ZNF148: variants seen among roughly 807,000 people sequenced by gnomAD.
The protein encoded by ZNF148 is Beta-Enolase Repressor Factor-1.
Under a neutral mutation model 67.7 loss-of-function variants are expected in ZNF148, and 7 were observed. The observed-to-expected ratio is 0.10, with a 90% CI of 0.06 to 0.19. The LOEUF is 0.19. ZNF148 is among the 10% of genes least tolerant of loss of function. The pLI, the probability that ZNF148 is intolerant of heterozygous loss-of-function variation, is 1.00. For missense variants in ZNF148, 583 were observed against 947.1 expected (o/e 0.62, Z 5.05); for synonymous variants, 333 against 330.7 (o/e 1.01, Z -0.08).
At chr3:125,282,169 C>G (rs1293720230) in intron 5 of ZNF148, among the ~76,000 whole-genome samples, 4 of 152,084 alleles carry the variant, frequency 2.6e-5, no homozygotes, top group African/African-American at 9.7e-5. Context: ...AATAAAATCC[C>G]TTAGCAGAAC....
chr3:125,319,326 T>C (rs939249674), intron 3 of ZNF148, among the ~76,000 whole-genome samples: 22 of 152,220 alleles, frequency 1.4e-4, no homozygotes, highest in Non-Finnish European at 2.1e-4. Flanking sequence ...ATTAAATACA[T>C]AGGCTTTTAA....
intron 1 of ZNF148, among the ~76,000 whole-genome samples, chr3:125,368,756 C>A (rs924962642): frequency 6.6e-6 from 1 of 152,032 alleles, no homozygotes; most frequent in Non-Finnish European, 1.5e-5. Context: ...ACCAGCCTGG[C>A]CAACACGGCG....
intron 2 of ZNF148, among the ~76,000 whole-genome samples, chr3:125,325,221 G>A (rs1940966809): frequency 6.6e-6 from 1 of 151,960 alleles, no homozygotes; most frequent in Admixed American, 6.6e-5. Flanking sequence ...TACAGTAACA[G>A]AAATAAAAAA....
chr3:125,341,064 AAAG>A, intron 1 of ZNF148, among the ~76,000 whole-genome samples: 1 of 151,722 alleles, frequency 6.6e-6, no homozygotes, highest in Admixed American at 6.5e-5. Context: ...ATAAATGAGA[AAAG>A]AAAATCAACC....
intron 1 of ZNF148, among the ~76,000 whole-genome samples, chr3:125,364,803 CAATA>C (rs1414930262): frequency 1.3e-5 from 2 of 152,168 alleles, no homozygotes; most frequent in African/African-American, 4.8e-5. Context: ...GTATTTATCT[CAATA>C]AATACATTTT....
intron 5 of ZNF148, among the ~76,000 whole-genome samples, chr3:125,281,807 C>T (rs1938403576): frequency 6.6e-6 from 1 of 152,162 alleles, no homozygotes. Flanking sequence ...ACACCAAATT[C>T]TTGGACATTT....
At chr3:125,264,766 C>T (rs1261686273) in intron 7 of ZNF148, among the ~76,000 whole-genome samples, 2 of 152,102 alleles carry the variant, frequency 1.3e-5, no homozygotes, top group East Asian at 1.9e-4. Flanking sequence ...TTTTCAGAAC[C>T]TCATCACTTA....
intron 5 of ZNF148, among the ~76,000 whole-genome samples, chr3:125,286,491 A>AT (rs1333540250): frequency 6.6e-6 from 1 of 152,224 alleles, no homozygotes; most frequent in Non-Finnish European, 1.5e-5. Flanking sequence ...AAAGAGTAAC[A>AT]TTATCAAGAA....
chr3:125,256,225 G>C (rs112167765), intron 7 of ZNF148, among the ~76,000 whole-genome samples: 3 of 151,690 alleles, frequency 2.0e-5, no homozygotes, highest in Non-Finnish European at 4.4e-5. Context: ...AAAATTAGCC[G>C]GGCACGGTGG....
intron 7 of ZNF148, among the ~76,000 whole-genome samples, chr3:125,262,161 T>C (rs1337657159): frequency 1.3e-5 from 2 of 152,232 alleles, no homozygotes; most frequent in African/African-American, 4.8e-5. Flanking sequence ...CAAAGACAGA[T>C]ACTGATATCA....
intron 7 of ZNF148, among the ~76,000 whole-genome samples, chr3:125,254,394 T>C (rs548301176): frequency 3.3e-5 from 5 of 152,308 alleles, no homozygotes; most frequent in East Asian, 3.9e-4. Context: ...CAGGTCATGG[T>C]TGTGTTATTC....
intron 7 of ZNF148, among the ~76,000 whole-genome samples, chr3:125,251,253 C>G (rs1219396683): frequency 6.6e-6 from 1 of 152,196 alleles, no homozygotes; most frequent in Non-Finnish European, 1.5e-5. Flanking sequence ...TAACCACTAT[C>G]CAGGCTTCTA....
intron 4 of ZNF148, among the ~76,000 whole-genome samples, chr3:125,308,581 G>A (rs1449228187): frequency 6.8e-6 from 1 of 146,276 alleles, no homozygotes; most frequent in Non-Finnish European, 1.5e-5. Flanking sequence ...ATATGAAAAT[G>A]CAAAGGACCT....
intron 7 of ZNF148, among the ~76,000 whole-genome samples, chr3:125,260,659 G>T (rs62270329): frequency 0.093 from 14,088 of 152,210 alleles, 835 homozygotes; most frequent in Middle Eastern, 0.14. Flanking sequence ...GGGAGTGACA[G>T]AACTAGTCTG....
intron 7 of ZNF148, among the ~76,000 whole-genome samples, chr3:125,258,637 A>G (rs1037681234): frequency 5.3e-5 from 8 of 152,056 alleles, no homozygotes; most frequent in African/African-American, 1.9e-4. Context: ...CAAATTAATC[A>G]TATGTTAAAA....
At chr3:125,260,505 A>G (rs1161686457) in intron 7 of ZNF148, among the ~76,000 whole-genome samples, 1 of 152,238 alleles carries the variant, frequency 6.6e-6, no homozygotes, top group Non-Finnish European at 1.5e-5. Context: ...GAAGTAAGTC[A>G]GATTCAAAAA....
intron 5 of ZNF148, among the ~76,000 whole-genome samples, chr3:125,281,960 C>G (rs1938412708): frequency 6.6e-6 from 1 of 152,164 alleles, no homozygotes; most frequent in Non-Finnish European, 1.5e-5. Context: ...CCCTTATAAT[C>G]TCAGTGTTCA....
chr3:125,315,640 G>A (rs1371859918), intron 3 of ZNF148, among the ~76,000 whole-genome samples: 6 of 150,776 alleles, frequency 4.0e-5, no homozygotes, highest in Non-Finnish European at 8.9e-5. Context: ...ACCCAGGAGG[G>A]GAAGGGTGCA....
chr3:125,350,451 G>A (rs1000447738), intron 1 of ZNF148, among the ~76,000 whole-genome samples: 3 of 152,158 alleles, frequency 2.0e-5, no homozygotes, highest in Admixed American at 6.5e-5. Context: ...GATAACAGGC[G>A]TGAGCCACCA....
Sources: gnomAD v4.1 joint callset for allele counts (sites outside exome capture counted in the v4.1 genomes callset) on GRCh38, gnomAD v4.1.1 for gene constraint, MANE v1.5 for transcripts, NCBI Gene and HGNC (gene_info 2026-07-23, HGNC 2026-07-21) for gene names.